The following SEMA5A variants were observed in gnomAD, a reference collection of about 807,000 sequenced individuals.
SEMA5A encodes the protein semaphorin-5A.
In SEMA5A, 55 loss-of-function variants were observed where a neutral mutation model predicts 135.5. The observed-to-expected ratio is 0.41, with a 90% CI of 0.33 to 0.51. The LOEUF (loss-of-function observed/expected upper bound fraction) is 0.51, where lower values mean the gene tolerates loss of function less well. SEMA5A is among the 20% of genes least tolerant of loss of function. The pLI is 0.37. For synonymous variants in SEMA5A, 580 were observed against 546.5 expected (o/e 1.06, Z -0.85); for missense variants, 1,290 against 1,419.9 (o/e 0.91, Z 1.47).
intron 5 of SEMA5A, among the ~76,000 whole-genome samples, chr5:9,238,375 C>A (rs989407491): frequency 1.3e-5 from 2 of 152,094 alleles, no homozygotes; most frequent in African/African-American, 4.8e-5. Flanking sequence ...CCAAGATATA[C>A]CTGTAAATGA....
intron 16 of SEMA5A, among the ~76,000 whole-genome samples, chr5:9,070,728 G>A (rs1737728425): frequency 6.6e-6 from 1 of 152,134 alleles, no homozygotes. Flanking sequence ...CTGTTCTTAT[G>A]TTCTTATTTT....
At chr5:9,491,622 A>G (rs371198054) in intron 1 of SEMA5A, among the ~76,000 whole-genome samples, 9 of 152,338 alleles carry the variant, frequency 5.9e-5, no homozygotes, top group African/African-American at 1.9e-4. Flanking sequence ...TTAGATTTCT[A>G]TCATCAACTT....
chr5:9,528,593 C>T (rs966208452), intron 1 of SEMA5A, among the ~76,000 whole-genome samples: 6 of 152,166 alleles, frequency 3.9e-5, no homozygotes, highest in Non-Finnish European at 7.3e-5. Flanking sequence ...GGCCTAGAAA[C>T]GTCCACTTCC....
intron 18 of SEMA5A, among the ~76,000 whole-genome samples, chr5:9,056,926 A>G (rs1457023269): frequency 6.6e-6 from 1 of 152,232 alleles, no homozygotes; most frequent in African/African-American, 2.4e-5. Context: ...GGTACATACA[A>G]TGAAATACTA....
At chr5:9,082,492 C>T (rs1010878635) in intron 16 of SEMA5A, among the ~76,000 whole-genome samples, 1 of 152,160 alleles carries the variant, frequency 6.6e-6, no homozygotes, top group African/African-American at 2.4e-5. Context: ...AACTGTGATG[C>T]TCTCTGCTCA....
chr5:9,329,608 T>C (rs896859157), intron 4 of SEMA5A, among the ~76,000 whole-genome samples: 1 of 152,258 alleles, frequency 6.6e-6, no homozygotes, highest in Non-Finnish European at 1.5e-5. Context: ...GAACCCCATG[T>C]GGACCTGGTA....
intron 1 of SEMA5A, among the ~76,000 whole-genome samples, chr5:9,463,886 G>T (rs190315093): frequency 1.3e-5 from 2 of 152,158 alleles, no homozygotes; most frequent in African/African-American, 2.4e-5. Flanking sequence ...CTGTGTCTGC[G>T]TTGTGGCTTT....
At chr5:9,513,423 T>C (rs950398074) in intron 1 of SEMA5A, among the ~76,000 whole-genome samples, 4 of 152,194 alleles carry the variant, frequency 2.6e-5, no homozygotes, top group African/African-American at 2.4e-5. Flanking sequence ...AAGTTTTCAT[T>C]AAATCAAAAA....
intron 9 of SEMA5A, among the ~76,000 whole-genome samples, chr5:9,198,796 A>G (rs1295128333): frequency 6.6e-6 from 1 of 152,186 alleles, no homozygotes; most frequent in African/African-American, 2.4e-5. Context: ...TTTAATAAGG[A>G]CAAGAAAATA....
intron 9 of SEMA5A, 59 bp from the exon 10 acceptor site, chr5:9,197,362 C>T (rs913200944): frequency 1.3e-6 from 2 of 1,584,816 alleles, no homozygotes; most frequent in African/African-American, 2.7e-5. Flanking sequence ...CTGCTGACCT[C>T]CCCCTATGGA....
chr5:9,114,833 G>A (rs1740428380), intron 15 of SEMA5A, among the ~76,000 whole-genome samples: 1 of 152,204 alleles, frequency 6.6e-6, no homozygotes, highest in African/African-American at 2.4e-5. Flanking sequence ...AGTACTGTTA[G>A]GGAAGGTTGG....
chr5:9,187,362 G>A (rs1024883699), intron 11 of SEMA5A, among the ~76,000 whole-genome samples: 11 of 152,162 alleles, frequency 7.2e-5, no homozygotes, highest in Admixed American at 6.5e-4. Context: ...TATAGAGGTT[G>A]TTCAGTTAAA....
chr5:9,088,659 T>TATATATATATATATATATATATATAC, intron 16 of SEMA5A, among the ~76,000 whole-genome samples: 2 of 112,888 alleles, frequency 1.8e-5, no homozygotes, highest in African/African-American at 8.5e-5. Flanking sequence ...TATATATATA[T>TATATATATATATATATATATATATAC]ACACACACAC....
chr5:9,201,047 C>A (rs938014810), intron 9 of SEMA5A, among the ~76,000 whole-genome samples: 1 of 152,168 alleles, frequency 6.6e-6, no homozygotes, highest in Non-Finnish European at 1.5e-5. Flanking sequence ...CTTTACTTTG[C>A]ATACAAATAT....
At chr5:9,476,037 A>AGCCTTTCTTC (rs1223826692) in intron 1 of SEMA5A, among the ~76,000 whole-genome samples, 36 of 152,342 alleles carry the variant, frequency 2.4e-4, no homozygotes, top group African/African-American at 8.7e-4. Context: ...CATGCTGTTT[A>AGCCTTTCTTC]ACACCTTTCT....
chr5:9,371,590 T>G (rs1260115318), intron 3 of SEMA5A, among the ~76,000 whole-genome samples: 1 of 152,246 alleles, frequency 6.6e-6, no homozygotes, highest in Non-Finnish European at 1.5e-5. Flanking sequence ...CAAAATGCAT[T>G]TTGTAATGTA....
rs1054843407 is a variant in SEMA5A, at chr5:9,051,765, C to T, written c.2845+108G>A. On this transcript the variant is annotated intron_variant, in intron 20 of 22. Transcript: ENST00000382496. ...TTGAAACCATGGGGCTTGATGGAATCATCTCTATTTCACCAAATAAGCCAA... is the reference window on the plus strand; with the variant it reads ...TTGAAACCATGGGGCTTGATGGAATTATCTCTATTTCACCAAATAAGCCAA... 9 of 1,351,502 alleles carry T rather than the reference C, an allele frequency of 6.7e-6. No homozygotes were observed. The African/African-American group carries it at 8.6e-5, about 13-fold the overall frequency. 83.7% of individuals were successfully genotyped at this position (1,351,502 alleles called of 1,614,324 possible).
intron 11 of SEMA5A, among the ~76,000 whole-genome samples, chr5:9,169,735 A>T (rs1743810120): frequency 6.6e-6 from 1 of 152,140 alleles, no homozygotes; most frequent in East Asian, 1.9e-4. Flanking sequence ...CTGCTTCATG[A>T]CAAGGAAGGG....
At chr5:9,421,596 C>G (rs1240531803) in intron 2 of SEMA5A, among the ~76,000 whole-genome samples, 2 of 152,126 alleles carry the variant, frequency 1.3e-5, no homozygotes, top group Admixed American at 6.5e-5. Context: ...TTAGGATTAT[C>G]AAACCACTTT....
Sources: gnomAD v4.1 joint callset for allele counts (sites outside exome capture counted in the v4.1 genomes callset) on GRCh38, gnomAD v4.1.1 for gene constraint, MANE v1.5 for transcripts, NCBI Gene and HGNC (gene_info 2026-07-23, HGNC 2026-07-21) for gene names.